The following SNTG1 variants were observed in gnomAD, a reference collection of about 807,000 sequenced individuals.
SNTG1 encodes syntrophin gamma 1.
Under a neutral mutation model 74.7 loss-of-function variants are expected in SNTG1, and 39 were observed. The ratio of observed to expected loss-of-function variants is 0.52; its 90% confidence interval spans 0.40 to 0.68. The LOEUF is 0.68. Ranked by LOEUF, SNTG1 falls within the 30% of genes least tolerant of loss-of-function variation. SNTG1 has a pLI of 0.00. For synonymous variants in SNTG1, 254 were observed against 217.1 expected, an observed-to-expected ratio of 1.17 and a Z score of -1.49; for missense variants, 685 against 609.5, an observed-to-expected ratio of 1.12 and a Z score of -1.30.
At chr8:50,675,481 AC>A (rs2095305766) in intron 15 of SNTG1, among the ~76,000 whole-genome samples, 1 of 148,446 alleles carries the variant, frequency 6.7e-6, no homozygotes, top group African/African-American at 2.5e-5. Context: ...TAGGATTGCA[AC>A]CCCTACTTTT....
intron 4 of SNTG1, among the ~76,000 whole-genome samples, chr8:50,410,648 T>C (rs2131393454): frequency 6.6e-6 from 1 of 152,318 alleles, no homozygotes; most frequent in South Asian, 2.1e-4. Context: ...AGTTTGTACC[T>C]TTTTATCAGC....
chr8:50,022,576 A>G (rs745597941), intron 1 of SNTG1, among the ~76,000 whole-genome samples: 4 of 152,214 alleles, frequency 2.6e-5, no homozygotes, highest in Non-Finnish European at 5.9e-5. Context: ...AATGTCTTAA[A>G]TTTGTAATAA....
intron 18 of SNTG1, among the ~76,000 whole-genome samples, chr8:50,765,226 G>A (rs1186017090): frequency 6.6e-6 from 1 of 152,070 alleles, no homozygotes; most frequent in African/African-American, 2.4e-5. Context: ...GCATGAGTGG[G>A]TATGGGGCCA....
intron 1 of SNTG1, among the ~76,000 whole-genome samples, chr8:50,092,084 G>T (rs1269596846): frequency 6.6e-6 from 1 of 152,108 alleles, no homozygotes; most frequent in Non-Finnish European, 1.5e-5. Flanking sequence ...CACTGAATGA[G>T]ATTATAATTA....
intron 13 of SNTG1, among the ~76,000 whole-genome samples, chr8:50,626,981 C>A (rs139809044): frequency 7.0e-4 from 106 of 152,196 alleles, no homozygotes; most frequent in South Asian, 2.9e-3. Flanking sequence ...ATTACAATCC[C>A]TATTTATTTT....
intron 18 of SNTG1, among the ~76,000 whole-genome samples, chr8:50,753,489 G>T (rs1379078545): frequency 1.3e-5 from 2 of 151,888 alleles, no homozygotes; most frequent in Admixed American, 6.6e-5. Flanking sequence ...GTATTCAGTT[G>T]CTTACCCCAA....
At chr8:50,034,571 C>A (rs575854794) in intron 1 of SNTG1, among the ~76,000 whole-genome samples, 28 of 152,110 alleles carry the variant, frequency 1.8e-4, no homozygotes, top group Non-Finnish European at 2.8e-4. Context: ...TTGGTGTGAG[C>A]CCCTGCCCCA....
At chr8:50,274,029 A>G (rs974684655) in intron 2 of SNTG1, among the ~76,000 whole-genome samples, 10 of 152,088 alleles carry the variant, frequency 6.6e-5, no homozygotes, top group Admixed American at 1.3e-4. Flanking sequence ...TCAAATTTCA[A>G]TTGTTAAATG....
intron 4 of SNTG1, among the ~76,000 whole-genome samples, chr8:50,436,543 T>C (rs938005510): frequency 6.6e-6 from 1 of 152,126 alleles, no homozygotes; most frequent in Non-Finnish European, 1.5e-5. Context: ...AGCTTTTAAT[T>C]GCTATGTATT....
intron 15 of SNTG1, among the ~76,000 whole-genome samples, chr8:50,702,678 A>G (rs1431903284): frequency 6.6e-6 from 1 of 152,152 alleles, no homozygotes; most frequent in Admixed American, 6.5e-5. Context: ...AATAACTGAG[A>G]TATATTTCAG....
chr8:50,743,298 T>C (rs541343726), intron 17 of SNTG1, among the ~76,000 whole-genome samples: 2 of 152,016 alleles, frequency 1.3e-5, no homozygotes, highest in African/African-American at 4.8e-5. Flanking sequence ...AAAAGGATTA[T>C]ACACCATGGC....
At chr8:50,595,055 T>C (rs1180948955) in intron 13 of SNTG1, among the ~76,000 whole-genome samples, 1 of 151,056 alleles carries the variant, frequency 6.6e-6, no homozygotes, top group East Asian at 1.9e-4. Context: ...TGTGTGTGTG[T>C]GTATTTAGAC....
intron 9 of SNTG1, among the ~76,000 whole-genome samples, chr8:50,505,283 G>T (rs140810985): frequency 3.3e-5 from 5 of 152,132 alleles, no homozygotes; most frequent in Non-Finnish European, 5.9e-5. Flanking sequence ...TGTGAATAAT[G>T]CTACAATGAA....
At chr8:49,943,687 C>G (rs561145294) in intron 1 of SNTG1, among the ~76,000 whole-genome samples, 67 of 152,348 alleles carry the variant, frequency 4.4e-4, no homozygotes, top group Admixed American at 1.4e-3. Context: ...TAATATAAAA[C>G]TTATTTGGAT....
chr8:50,450,758 T>C (rs1470939992), intron 8 of SNTG1, 29 bp downstream of exon 8: 4 of 1,607,812 alleles, frequency 2.5e-6, no homozygotes, highest in Non-Finnish European at 3.4e-6. Context: ...AATGTCATAG[T>C]TTTCCCCATG....
intron 1 of SNTG1, among the ~76,000 whole-genome samples, chr8:50,024,582 G>A (rs1358695200): frequency 1.3e-5 from 2 of 152,050 alleles, no homozygotes; most frequent in Non-Finnish European, 2.9e-5. Context: ...TGAAACCTTG[G>A]ACACTGCCAA....
At chr8:50,739,237 T>A (rs1293684472) in intron 17 of SNTG1, among the ~76,000 whole-genome samples, 3 of 151,486 alleles carry the variant, frequency 2.0e-5, no homozygotes, top group Admixed American at 2.0e-4. Flanking sequence ...AACAACCCCA[T>A]CAAAAAGTGG....
At chr8:50,237,747 C>G (rs921986619) in intron 2 of SNTG1, among the ~76,000 whole-genome samples, 1 of 152,052 alleles carries the variant, frequency 6.6e-6, no homozygotes, top group Admixed American at 6.6e-5. Flanking sequence ...CCAATAAGAA[C>G]TTCTTCATAT....
At chr8:50,269,819 A>T (rs951415056) in intron 2 of SNTG1, among the ~76,000 whole-genome samples, 1 of 152,160 alleles carries the variant, frequency 6.6e-6, no homozygotes, top group Non-Finnish European at 1.5e-5. Flanking sequence ...ACTGTGGTAC[A>T]GGCAGTATGT....
Sources: gnomAD v4.1 joint callset for allele counts (sites outside exome capture counted in the v4.1 genomes callset) on GRCh38, gnomAD v4.1.1 for gene constraint, MANE v1.5 for transcripts, NCBI Gene and HGNC (gene_info 2026-07-23, HGNC 2026-07-21) for gene names.